PCSK9: variants seen among roughly 807,000 people sequenced by gnomAD.
PCSK9 encodes proprotein convertase subtilisin/kexin type 9.
In PCSK9, 57 loss-of-function variants were observed where a neutral mutation model predicts 62.1. The observed-to-expected ratio is 0.92, with a 90% CI of 0.74 to 1.14. The LOEUF is 1.14. PCSK9 is among the 50% of genes most tolerant of loss of function. The pLI, the probability that PCSK9 is intolerant of heterozygous loss-of-function variation, is 0.00. For synonymous variants in PCSK9, 387 were observed against 409.4 expected, an observed-to-expected ratio of 0.95 and a Z score of 0.66; for missense variants, 870 against 959.8, an observed-to-expected ratio of 0.91 and a Z score of 1.24.
intron 3 of PCSK9, 40 bp from the exon 4 acceptor site, chr1:55,052,238 T>C (rs761708034): frequency 6.2e-7 from 1 of 1,613,592 alleles, no homozygotes; most frequent in East Asian, 2.2e-5. Context: ...GTTGACTTTA[T>C]GCTCATTCCC....
At position 55,046,653 on chromosome 1, in the gene PCSK9, C is replaced by A. The variant is rs763903091; in HGVS notation, c.523+7C>A. 1.9e-6 allele frequency: 3 copies of A among 1,613,538 alleles called. No individual in the cohort carries two copies. On this transcript the variant is annotated splice_region_variant and intron_variant, in intron 3 of 11. Coordinates refer to ENST00000302118, the MANE Select transcript of PCSK9 (RefSeq NM_174936.4). ...GATGAATACCAGCCCCCCGGTAAGA[C>A]CCCCATCTGTGCCCTGCCCCACCCC...
At chr1:55,046,008 T>A (rs1269967287) in intron 2 of PCSK9, among the ~76,000 whole-genome samples, 1 of 152,164 alleles carries the variant, frequency 6.6e-6, no homozygotes, top group Non-Finnish European at 1.5e-5. Context: ...CGCTCCCAGC[T>A]GCTGATGCAC....
intron 2 of PCSK9, 112 bp from the exon 3 acceptor site, chr1:55,046,411 T>G: frequency 2.6e-6 from 4 of 1,520,862 alleles, no homozygotes; most frequent in Non-Finnish European, 3.6e-6. Context: ...GGTGGGAGGC[T>G]GCTGGGCTGG....
Position 55,044,049 on chromosome 1 carries a change from T to C in PCSK9, c.399+15T>C, listed in dbSNP as rs746438392. 8 of 1,613,852 alleles carry C rather than the reference T, an allele frequency of 5.0e-6. No homozygotes were observed. Among genetic ancestry groups the C allele is most frequent in the Non-Finnish European group, 3.4e-6 (4 of 1,179,966 alleles). On this transcript the variant is annotated intron_variant, in intron 2 of 11. Transcript: ENST00000302118. Reference sequence around the variant, plus strand: ...TGCTGGAGCTGGTGAGCCACCCTTTTTGGGAATGGCACTTCCTGATAGGGC... The same window carrying C: ...TGCTGGAGCTGGTGAGCCACCCTTTCTGGGAATGGCACTTCCTGATAGGGC...
intron 3 of PCSK9, among the ~76,000 whole-genome samples, chr1:55,048,526 A>G (rs1309733727): frequency 6.6e-6 from 1 of 152,140 alleles, no homozygotes; most frequent in Non-Finnish European, 1.5e-5. Context: ...GGGAGGTGGC[A>G]GGAATGGCAG....
chr1:55,056,232 GAGGGCGGA>G, intron 6 of PCSK9, 43 bp downstream of exon 6: 9 of 116,698 alleles, frequency 7.7e-5, no homozygotes, highest in Non-Finnish European at 1.2e-4. Context: ...GTAGGGGGCG[GAGGGCGGA>G]GGGCGGAGGG....
In PCSK9 at chr1:55,059,538, G is replaced by A. The variant is rs756504747; in HGVS notation, c.1556G>A (p.Gly519Asp). 2 of 1,562,546 alleles carry A rather than the reference G, an allele frequency of 1.3e-6. No homozygotes were observed. The highest frequency in any genetic ancestry group is 2.4e-5 in the South Asian group (2 of 84,936). ...GCCCACAACGCTTTTGGGGGTGAGG[G>A]TGTCTACGCCATTGCCAGGTGCTGC... Reference protein sequence around the residue: ...CRAHNAFGGEGVYAIARCCLL... With the variant: ...CRAHNAFGGEDVYAIARCCLL... The change falls in exon 10 of 12, where the codon GGT becomes GAT. Residue 519 changes from glycine to aspartate, a missense_variant. Transcript: ENST00000302118.
rs778849441 is a variant in PCSK9, at chr1:55,058,538, C to G, written c.1394C>G (p.Ser465Trp). The G allele has an allele frequency of 6.2e-6, 10 of 1,612,060 alleles. No homozygotes were observed. The South Asian group carries it at 1.1e-4, about 18-fold the overall frequency. The change falls in exon 9 of 12, where the codon TCG becomes TGG. Residue 465 changes from serine (S) to tryptophan (W), a missense_variant. Coordinates refer to ENST00000302118, the MANE Select transcript of PCSK9 (RefSeq NM_174936.4). Reference protein sequence around the residue: ...LFCRTVWSAHSGPTRMATAVA... With the variant: ...LFCRTVWSAHWGPTRMATAVA... ...TGCAGGACTGTATGGTCAGCACACT[C>G]GGGGCCTACACGGATGGCCACAGCC...
intron 2 of PCSK9, among the ~76,000 whole-genome samples, chr1:55,046,277 C>G (rs1361158083): frequency 1.3e-5 from 2 of 152,234 alleles, no homozygotes; most frequent in Non-Finnish European, 2.9e-5. Flanking sequence ...CAGAATCCTT[C>G]CTAAAAGGAA....
rs1570311685 is a variant in PCSK9 at position 55,063,622 on chromosome 1, G to A, written c.*38G>A. Reference sequence around the variant, plus strand: ...AGGATGGGTGTCTGGGGAGGGTCAAGGGCTGGGGCTGAGCTTTAAAATGGT... The same window carrying A: ...AGGATGGGTGTCTGGGGAGGGTCAAAGGCTGGGGCTGAGCTTTAAAATGGT... On this transcript the variant is annotated 3_prime_UTR_variant, in exon 12 of 12. Coordinates refer to ENST00000302118, the MANE Select transcript of PCSK9 (RefSeq NM_174936.4). The A allele has an allele frequency of 6.3e-7, 1 of 1,592,520 alleles. No homozygotes were observed.
Position 55,058,595 on chromosome 1 carries a change from T to C in PCSK9, c.1451T>C (p.Leu484Pro). The C allele has an allele frequency of 6.2e-7, 1 of 1,611,916 alleles. No homozygotes were observed. Among genetic ancestry groups the C allele is most frequent in the East Asian group, 2.2e-5 (1 of 44,848 alleles). The change falls in exon 9 of 12, where the codon CTG (leucine) becomes CCG (proline). Residue 484 changes from leucine (L) to proline (P), a missense_variant. Leu to Pro is a moderately conservative substitution (Grantham distance 98, BLOSUM62 -3). Coordinates refer to ENST00000302118, the MANE Select transcript of PCSK9 (RefSeq NM_174936.4). ...CGCTGCGCCCCAGATGAGGAGCTGCTGAGCTGCTCCAGTTTCTCCAGGAGT... is the reference window on the plus strand; with the variant it reads ...CGCTGCGCCCCAGATGAGGAGCTGCCGAGCTGCTCCAGTTTCTCCAGGAGT... Reference protein sequence around the residue: ...VARCAPDEELLSCSSFSRSGK... With the variant: ...VARCAPDEELPSCSSFSRSGK...
chr1:55,051,931 TA>T (rs1038392357), intron 3 of PCSK9: 25 of 364,482 alleles, frequency 6.9e-5, no homozygotes, highest in Non-Finnish European at 1.2e-4. Context: ...AAGGCTATAA[TA>T]GGGGCTTTAT....
At chr1:55,050,877 A>G (rs1204945332) in intron 3 of PCSK9, 1 of 322,790 alleles carries the variant, frequency 3.1e-6, no homozygotes. Flanking sequence ...GTAATTAAGC[A>G]TCTCAAGATG....
Position 55,061,540 on chromosome 1 carries a change from C to T in PCSK9, c.1847C>T (p.Pro616Leu), listed in dbSNP as rs755750316. 2.1e-5 allele frequency: 33 copies of T among 1,598,766 alleles called. No individual in the cohort carries two copies. The highest frequency in any genetic ancestry group is 1.1e-4 in the East Asian group (5 of 44,186). ...TGCAAAGTCAAGGAGCATGGAATCC[C>T]GGCCCCTCAGGAGCAGGTGAAGAGG... The part of the protein sequence containing the change: ...LECKVKEHGI[P>L]APQEQVTVAC... Residue 616 changes from proline (P) to leucine (L), a missense_variant, in exon 11 of 12, where the codon CCG (proline) becomes CTG (leucine). Physicochemically the swap from Pro to Leu is moderately conservative, Grantham distance 98. Transcript: ENST00000302118.
chr1:55,046,741 C>T (rs531430686), intron 3 of PCSK9, 95 bp downstream of exon 3: 21 of 1,494,496 alleles, frequency 1.4e-5, no homozygotes, highest in Middle Eastern at 4.3e-4. Flanking sequence ...TTCCACTTCT[C>T]GGGGGGCTTT....
intron 6 of PCSK9, 93 bp downstream of exon 6, chr1:55,056,282 A>T (rs1161628061): frequency 4.8e-6 from 6 of 1,256,088 alleles, no homozygotes; most frequent in Admixed American, 3.2e-5. Flanking sequence ...TTCTTGTGGC[A>T]CGTGGGCTTC....
In PCSK9 at chr1:55,046,516, T is replaced by C. The variant is rs866539996; in HGVS notation, c.400-7T>C. ...GCAGAGTCCCCCGGCCTCTCTGGCT[T>C]CTGCAGGCCTTGAAGTTGCCCCATG... On this transcript the variant is annotated splice_polypyrimidine_tract_variant and splice_region_variant and intron_variant, in intron 2 of 11. Coordinates refer to ENST00000302118, the MANE Select transcript of PCSK9 (RefSeq NM_174936.4). 5 of 1,614,058 alleles carry C rather than the reference T, an allele frequency of 3.1e-6. No individual in the cohort carries two copies. Among genetic ancestry groups the C allele is most frequent in the African/African-American group, 1.3e-5 (1 of 74,936 alleles).
chr1:55,043,825 C>T lies in PCSK9; in HGVS notation c.208-18C>T, dbSNP rs761839097. Reference sequence around the variant, plus strand: ...GGGTTTCTTCCATGTCATCATGTTCCTCCTTGCATGGGGCCAGGATCCGTG... The same window carrying T: ...GGGTTTCTTCCATGTCATCATGTTCTTCCTTGCATGGGGCCAGGATCCGTG... On this transcript the variant is annotated intron_variant, in intron 1 of 11. Coordinates refer to ENST00000302118, the MANE Select transcript of PCSK9 (RefSeq NM_174936.4). The T allele has an allele frequency of 6.2e-7, 1 of 1,613,692 alleles. No individual in the cohort carries two copies. Among genetic ancestry groups the T allele is most frequent in the South Asian group, 1.1e-5 (1 of 91,056 alleles).
In PCSK9 at chr1:55,044,007, G is replaced by A. The variant is rs886039841; in HGVS notation, c.372G>A (p.Val124=). 1.9e-6 allele frequency: 3 copies of A among 1,614,240 alleles called. No homozygotes were observed. The highest frequency in any genetic ancestry group is 2.5e-6 in the Non-Finnish European group (3 of 1,180,050). The change falls in exon 2 of 12, where the codon GTG becomes GTA. Residue 124 remains valine, a synonymous_variant. Transcript: ENST00000302118. The stretch of plus-strand genomic sequence containing the variant: ...ATGGCCTTCTTCCTGGCTTCCTGGT[G>A]AAGATGAGTGGCGACCTGCTGGAGC... ...VFHGLLPGFL[V]KMSGDLLELA... is the part of the protein sequence containing the mutation.
Sources: allele counts gnomAD v4.1 joint callset (sites outside exome capture counted in the v4.1 genomes callset), GRCh38; gene constraint gnomAD v4.1.1; transcripts MANE v1.5; gene names NCBI Gene and HGNC (gene_info 2026-07-23, HGNC 2026-07-21).